The following ANO1 variants were observed in gnomAD, a reference collection of about 807,000 sequenced individuals.
ANO1 encodes anoctamin-1.
A neutral mutation model predicts 124.0 loss-of-function variants in ANO1; 59 were observed. The ratio of observed to expected loss-of-function variants is 0.48; its 90% CI spans 0.39 to 0.59. The LOEUF is 0.59. Ranked by LOEUF, ANO1 falls within the 20% of genes least tolerant of loss-of-function variation. ANO1 has a pLI of 0.00. For synonymous variants in ANO1, 529 were observed against 532.0 expected (o/e 0.99, Z 0.08); for missense variants, 1,059 against 1,328.0 (o/e 0.80, Z 3.15).
intron 10 of ANO1, among the ~76,000 whole-genome samples, chr11:70,127,702 A>G (rs2046579202): frequency 6.6e-6 from 1 of 152,212 alleles, no homozygotes; most frequent in South Asian, 2.1e-4. Context: ...GTAGCCAAAA[A>G]AAAAAAGAGT....
chr11:69,999,152 T>A (rs782535444), intron 1 of ANO1, among the ~76,000 whole-genome samples: 31 of 151,954 alleles, frequency 2.0e-4, no homozygotes, highest in Non-Finnish European at 4.3e-4. Context: ...ACAGGAAGCA[T>A]GGCGGCATCT....
rs757931210 is a variant in ANO1 at position 70,131,918 on chromosome 11, G to A, written c.1098-1G>A. 6.2e-7 allele frequency: 1 copy of A among 1,604,350 alleles called. No homozygotes were observed. Among genetic ancestry groups the A allele is most frequent in the Admixed American group, 1.7e-5 (1 of 59,846 alleles). ...CTCCAGGGCTGCCCCCTCTCTTGCA[G>A]CATGGAGATGTGTGACCAGAGACAC... On this transcript the variant is annotated splice_acceptor_variant, in intron 10 of 25. Coordinates refer to ENST00000355303, the MANE Select transcript of ANO1 (RefSeq NM_018043.7). LOFTEE classifies it high-confidence loss of function.
At chr11:70,174,464 C>G (rs575364436) in intron 22 of ANO1, among the ~76,000 whole-genome samples, 1 of 152,276 alleles carries the variant, frequency 6.6e-6, no homozygotes, top group South Asian at 2.1e-4. Flanking sequence ...GAAAAACAGG[C>G]CACCATGGCC....
upstream of ANO1, among the ~76,000 whole-genome samples, chr11:69,982,826 A>G (rs1358919539): frequency 1.3e-5 from 2 of 152,170 alleles, no homozygotes; most frequent in Non-Finnish European, 2.9e-5. Flanking sequence ...GGCTCTACCC[A>G]TGGCAGGCAT....
chr11:70,056,978 A>G (rs921105077), intron 1 of ANO1, among the ~76,000 whole-genome samples: 1 of 151,626 alleles, frequency 6.6e-6, no homozygotes, highest in African/African-American at 2.4e-5. Context: ...CATGGATTCT[A>G]TCTGTACATT....
chr11:70,078,618 C>A lies in ANO1; in HGVS notation c.12C>A (p.Asn4Lys). The stretch of plus-strand genomic sequence containing the variant: ...CACAGGCGGCCACGATGAGGGTCAA[C>A]GAGAAGTACTCGACGCTCCCGGCCG... MRV[N>K]EKYSTLPAED... The change falls in exon 1 of 26, where the codon AAC becomes AAA. Residue 4 changes from asparagine to lysine, a missense_variant. Asn to Lys is a moderately conservative substitution (Grantham distance 94, BLOSUM62 0). This residue lies in a region of ANO1 where 250 missense variants were observed against 233.1 expected (regional missense o/e 1.07). Coordinates refer to ENST00000355303, the MANE Select transcript of ANO1 (RefSeq NM_018043.7). 1 of 1,493,914 alleles carries A rather than the reference C, an allele frequency of 6.7e-7. No individual in the cohort carries two copies. The highest frequency in any genetic ancestry group is 9.0e-7 in the Non-Finnish European group (1 of 1,112,542). The allele number at this position is 1,493,914 out of a possible 1,614,324, so 92.5% of individuals were successfully genotyped here. A position where few individuals can be genotyped will look rare whatever the true frequency, so the allele number is the denominator to read the frequency against.
At chr11:70,184,016 G>A (rs138205133) in intron 24 of ANO1, among the ~76,000 whole-genome samples, 250 of 152,336 alleles carry the variant, frequency 1.6e-3, no homozygotes, top group Non-Finnish European at 2.8e-3. Context: ...AGGGATGTGG[G>A]TCCAGGCCAG....
At chr11:70,119,792 C>G (rs2046177827) in intron 8 of ANO1, among the ~76,000 whole-genome samples, 1 of 147,218 alleles carries the variant, frequency 6.8e-6, no homozygotes, top group African/African-American at 2.5e-5. Context: ...GATGGGTGGA[C>G]AGGTAGGTGA....
intron 22 of ANO1, among the ~76,000 whole-genome samples, chr11:70,174,678 G>A (rs184720948): frequency 8.3e-4 from 126 of 152,234 alleles, no homozygotes; most frequent in Admixed American, 6.1e-3. Context: ...ATAGGAGGCC[G>A]AGGCCCAGGC....
At chr11:70,123,365 G>T (rs181356849) in intron 8 of ANO1, among the ~76,000 whole-genome samples, 10 of 152,180 alleles carry the variant, frequency 6.6e-5, no homozygotes, top group African/African-American at 2.4e-4. Flanking sequence ...GTTTGTCAGT[G>T]GGGGGTCTCT....
At position 70,182,742 on chromosome 11, in the gene ANO1, G is replaced by A. The variant is rs1024956308; in HGVS notation, c.2588+56G>A. The A allele has an allele frequency of 8.0e-6, 11 of 1,373,310 alleles. No homozygotes were observed. In the African/African-American group the frequency reaches 1.2e-4, roughly 15 times the overall value. The allele number at this position is 1,373,310 out of a possible 1,614,324, so 85.1% of individuals were successfully genotyped here. On this transcript the variant is annotated intron_variant, in intron 24 of 25. Transcript: ENST00000355303. Reference sequence around the variant, plus strand: ...CCACGTTTATTGGGTTTCTGGGAGAGCCTGGGTTTGGACGGGGCTCAAATC... The same window carrying A: ...CCACGTTTATTGGGTTTCTGGGAGAACCTGGGTTTGGACGGGGCTCAAATC...
the ANO1 span, among the ~76,000 whole-genome samples, chr11:69,970,759 G>T: frequency 6.6e-6 from 1 of 152,186 alleles, no homozygotes; most frequent in Non-Finnish European, 1.5e-5. Flanking sequence ...GTCAAGAGGT[G>T]GGCATTCCAG....
Position 70,161,297 on chromosome 11 carries a change from A to AC in ANO1, c.1717dup (p.Leu573ProfsTer31). 2 of 1,613,774 alleles carry AC rather than the reference A, an allele frequency of 1.2e-6. No homozygotes were observed. Among genetic ancestry groups the AC allele is most frequent in the Non-Finnish European group, 1.7e-6 (2 of 1,179,776 alleles). ...GTCACAGCCACCGCAGTCATCATCA[A>AC]CCTAGTGGTCATCATCCTCCTGGAC... On this transcript the variant is annotated frameshift_variant, in exon 17 of 26. Transcript: ENST00000355303. LOFTEE classifies it high-confidence loss of function.
chr11:70,182,264 A>G (rs1247341783), intron 23 of ANO1, among the ~76,000 whole-genome samples: 2 of 152,260 alleles, frequency 1.3e-5, no homozygotes, highest in African/African-American at 4.8e-5. Flanking sequence ...CTTCTCTCCT[A>G]GAAGTGCACT....
intron 8 of ANO1, among the ~76,000 whole-genome samples, chr11:70,121,153 A>C (rs12576069): frequency 0.98 from 148,363 of 152,004 alleles, 72,513 homozygotes; most frequent in East Asian, 1. Context: ...GTCCTTTCTC[A>C]CTGTCCCTGT....
chr11:70,149,809 C>T lies in ANO1; in HGVS notation c.1341+17C>T. The T allele has an allele frequency of 2.5e-6, 4 of 1,612,228 alleles. No homozygotes were observed. The highest frequency in any genetic ancestry group is 3.4e-6 in the Non-Finnish European group (4 of 1,179,082). On this transcript the variant is annotated intron_variant, in intron 12 of 25. Transcript: ENST00000355303. Reference sequence around the variant, plus strand: ...GAGGAAGAGGTCAGTGGGTTTGCCGCCGTGCATATCACGCCCTTCCCCCAC... The same window carrying T: ...GAGGAAGAGGTCAGTGGGTTTGCCGTCGTGCATATCACGCCCTTCCCCCAC...
At chr11:69,993,157 A>G (rs1856188709) in intron 1 of ANO1, among the ~76,000 whole-genome samples, 1 of 152,170 alleles carries the variant, frequency 6.6e-6, no homozygotes, top group Non-Finnish European at 1.5e-5. Flanking sequence ...CTCCTGAGAC[A>G]GCGCCCTGTC....
At chr11:70,024,315 G>A (rs887467897) in intron 1 of ANO1, among the ~76,000 whole-genome samples, 11 of 152,194 alleles carry the variant, frequency 7.2e-5, no homozygotes, top group East Asian at 3.9e-4. Context: ...CATCTGGAGC[G>A]GGGGGACACA....
At chr11:70,079,425 C>G (rs866524952) in intron 1 of ANO1, among the ~76,000 whole-genome samples, 1 of 152,022 alleles carries the variant, frequency 6.6e-6, no homozygotes, top group East Asian at 1.9e-4. Flanking sequence ...GTTGGGGACC[C>G]CATCCTGAGG....
Sources: allele counts gnomAD v4.1 joint callset (sites outside exome capture counted in the v4.1 genomes callset), GRCh38; gene constraint gnomAD v4.1.1; regional missense constraint gnomAD v4.1.1; transcripts MANE v1.5; gene names NCBI Gene and HGNC (gene_info 2026-07-23, HGNC 2026-07-21).